DST: variants seen among roughly 807,000 people sequenced by gnomAD.
DST encodes dystonin, also known as bullous pemphigoid antigen.
A neutral mutation model predicts 875.2 loss-of-function variants in DST; 253 were observed. The observed-to-expected ratio is 0.29, with a 90% CI of 0.26 to 0.32. DST has a LOEUF of 0.32. Among genes scored for constraint, DST ranks in the 10% least tolerant of loss-of-function variants. DST has a pLI of 1.00. For missense variants in DST, 8,287 were observed against 9,111.6 expected, an observed-to-expected ratio of 0.91 and a Z score of 3.68; for synonymous variants, 3,124 against 3,197.1, an observed-to-expected ratio of 0.98 and a Z score of 0.77.
chr6:56,704,159 G>C (rs1274320898), intron 6 of DST, 121 bp downstream of exon 6: 3 of 493,668 alleles, frequency 6.1e-6, no homozygotes, highest in Non-Finnish European at 1.1e-5. Flanking sequence ...TTTTCAGGCA[G>C]AATTCATAGC....
intron 30 of DST, among the ~76,000 whole-genome samples, 180 bp from the exon 31 acceptor site, chr6:56,630,563 C>A (rs2098769883): frequency 1.3e-5 from 2 of 152,122 alleles, no homozygotes; most frequent in African/African-American, 4.8e-5. Context: ...TGTGCTCCAA[C>A]CCATCCCCTG....
chr6:56,620,171 A>C (rs772343591), intron 36 of DST: 2 of 1,613,572 alleles, frequency 1.2e-6, no homozygotes. Context: ...TATCAGCTTC[A>C]AGAGTTCTTC....
chr6:56,625,027 T>G, intron 35 of DST, 130 bp downstream of exon 35: 2 of 722,070 alleles, frequency 2.8e-6, no homozygotes, highest in Non-Finnish European at 4.9e-6. Context: ...GTCATTAAAC[T>G]GTACATTTAA....
chr6:56,565,261 C>T (rs2152572959), intron 55 of DST, among the ~76,000 whole-genome samples: 1 of 152,012 alleles, frequency 6.6e-6, no homozygotes, highest in South Asian at 2.1e-4. Flanking sequence ...GCTGGGACTA[C>T]AGGCACCCAC....
intron 4 of DST, among the ~76,000 whole-genome samples, chr6:56,846,566 T>C (rs2099807409): frequency 6.6e-6 from 1 of 152,258 alleles, no homozygotes; most frequent in Non-Finnish European, 1.5e-5. Flanking sequence ...AAAGCATTTA[T>C]ACAATGGGTG....
intron 4 of DST, among the ~76,000 whole-genome samples, chr6:56,798,604 C>T (rs1427880040): frequency 6.6e-6 from 1 of 152,130 alleles, no homozygotes; most frequent in African/African-American, 2.4e-5. Flanking sequence ...AATAGCATAA[C>T]ATCCGTTCTG....
At chr6:56,516,765 T>C (rs1473982172) in intron 71 of DST, among the ~76,000 whole-genome samples, 1 of 152,160 alleles carries the variant, frequency 6.6e-6, no homozygotes, top group Non-Finnish European at 1.5e-5. Context: ...CCTATATAGC[T>C]TACTGTAACT....
rs573624599 is a variant in DST at position 56,781,414 on chromosome 6, G to T, written c.626-46125C>A. Among the ~76,000 whole-genome samples, 6 of 152,228 alleles carry T rather than the reference G, an allele frequency of 3.9e-5. No homozygotes were observed. In the South Asian group the frequency reaches 6.2e-4, roughly 16 times the overall value. ...TTATTTCATTGAGCAGTGGTTTGTA[G>T]TTCTCCTTGAAGAGGTCCTTCACGT... On this transcript the variant is annotated intron_variant, in intron 4 of 103. Coordinates refer to ENST00000680361, the MANE Select transcript of DST (RefSeq NM_001374736.1).
chr6:56,612,714 T>G (rs2098555083), intron 37 of DST, among the ~76,000 whole-genome samples: 1 of 152,228 alleles, frequency 6.6e-6, no homozygotes, highest in African/African-American at 2.4e-5. Flanking sequence ...ATACTTATAT[T>G]AACTAAAATT....
chr6:56,857,386 G>A (rs1768469254), intron 3 of DST, among the ~76,000 whole-genome samples: 1 of 152,092 alleles, frequency 6.6e-6, no homozygotes, highest in Non-Finnish European at 1.5e-5. Context: ...AAATCAACAG[G>A]TGCAGGTTGC....
chr6:56,601,766 T>C, intron 43 of DST, 90 bp from the exon 44 acceptor site: 1 of 796,846 alleles, frequency 1.3e-6, no homozygotes, highest in South Asian at 2.2e-5. Flanking sequence ...GTAAATACAT[T>C]TCTCACATCA....
In DST at chr6:56,843,322, C is replaced by A. The variant is rs1006754202; in HGVS notation, c.625+8075G>T. ...CGGGGGCGCAGGGGGCTGCCGGCGCCAGGGCCGGCAAAGGAAACGCCCAGG... is the reference window on the plus strand; with the variant it reads ...CGGGGGCGCAGGGGGCTGCCGGCGCAAGGGCCGGCAAAGGAAACGCCCAGG... On this transcript the variant is annotated intron_variant, in intron 4 of 103. Transcript: ENST00000680361. 6.5e-6 allele frequency: 8 copies of A among 1,222,034 alleles called. No homozygotes were observed. In the African/African-American group the frequency reaches 7.8e-5, roughly 12 times the overall value. 75.7% of individuals were successfully genotyped at this position (1,222,034 alleles called of 1,614,324 possible). A position where few individuals can be genotyped will look rare whatever the true frequency, so the allele number is the denominator to read the frequency against.
chr6:56,464,774 G>A lies in DST; in HGVS notation c.22688-18C>T, dbSNP rs974410273. ...ATGATGAACTAGAAAAAATGACACA[G>A]GATACCAATCACATTAAAGAATACT... On this transcript the variant is annotated intron_variant, in intron 99 of 103. Coordinates refer to ENST00000680361, the MANE Select transcript of DST (RefSeq NM_001374736.1). The A allele has an allele frequency of 6.4e-7, 1 of 1,561,356 alleles. No individual in the cohort carries two copies. Among genetic ancestry groups the A allele is most frequent in the African/African-American group, 1.4e-5 (1 of 74,062 alleles).
At chr6:56,675,729 G>A (rs1428327802) in intron 9 of DST, among the ~76,000 whole-genome samples, 3 of 152,196 alleles carry the variant, frequency 2.0e-5, no homozygotes, top group Non-Finnish European at 2.9e-5. Context: ...GCACGTGCCT[G>A]TAATCCCAGC....
intron 101 of DST, among the ~76,000 whole-genome samples, 173 bp from the exon 102 acceptor site, chr6:56,463,329 A>G (rs192935625): frequency 6.6e-6 from 1 of 152,360 alleles, no homozygotes; most frequent in East Asian, 1.9e-4. Flanking sequence ...TGAAGCTTTA[A>G]AAAGAAAAAT....
chr6:56,951,045 C>T lies in DST; in HGVS notation c.216+2740G>A, dbSNP rs138765539. On this transcript the variant is annotated intron_variant, in intron 2 of 103. Coordinates refer to ENST00000680361, the MANE Select transcript of DST (RefSeq NM_001374736.1). ...TCCCAAAGCAAACTGAGTCCTGGTG[C>T]GATGATTTTTTCTCTAGGAGTATTT... Among the ~76,000 whole-genome samples the T allele has an allele frequency of 4.0e-3, 606 of 152,216 alleles. 8 individuals carry two copies. The highest frequency in any genetic ancestry group is 0.014 in the African/African-American group (566 of 41,524).
Position 56,608,622 on chromosome 6 carries a change from G to A in DST, c.6006C>T (p.Gly2002=). The change falls in exon 40 of 104, where the codon GGC becomes GGT. Residue 2002 remains glycine (G), a synonymous_variant. Coordinates refer to ENST00000680361, the MANE Select transcript of DST (RefSeq NM_001374736.1). ...LSGGLINSNS[G]QRMTVEEAVR... ...CAGCTTCTTCAACAGTCATTCTTTGGCCAGAGTTGGAATTGATCAGACCTC... is the reference window on the plus strand; with the variant it reads ...CAGCTTCTTCAACAGTCATTCTTTGACCAGAGTTGGAATTGATCAGACCTC... 1 of 1,613,296 alleles carries A rather than the reference G, an allele frequency of 6.2e-7. No homozygotes were observed. Among genetic ancestry groups the A allele is most frequent in the Non-Finnish European group, 8.5e-7 (1 of 1,179,622 alleles).
intron 2 of DST, among the ~76,000 whole-genome samples, chr6:56,907,351 T>A (rs144606769): frequency 6.6e-6 from 1 of 152,258 alleles, no homozygotes; most frequent in East Asian, 1.9e-4. Context: ...GCTATTTTCC[T>A]TGGAGGTTGA....
intron 43 of DST, chr6:56,601,988 G>A (rs917317733): frequency 4.5e-6 from 2 of 447,304 alleles, no homozygotes; most frequent in Non-Finnish European, 8.6e-6. Flanking sequence ...GGTATATTTA[G>A]CACACTGAAG....
Sources: allele counts gnomAD v4.1 joint callset (sites outside exome capture counted in the v4.1 genomes callset), GRCh38; gene constraint gnomAD v4.1.1; transcripts MANE v1.5; gene names NCBI Gene and HGNC (gene_info 2026-07-23, HGNC 2026-07-21).